CC2D2B: variants seen among roughly 807,000 people sequenced by gnomAD.
CC2D2B encodes the protein protein CC2D2B.
A neutral mutation model predicts 161.2 loss-of-function variants in CC2D2B; 128 were observed. That is an observed-to-expected ratio of 0.79 (90% CI 0.69 to 0.92). The LOEUF (loss-of-function observed/expected upper bound fraction) is 0.92, where lower values mean the gene tolerates loss of function less well. Ranked by LOEUF, CC2D2B falls within the 40% of genes least tolerant of loss-of-function variation. The pLI is 0.00. For synonymous variants in CC2D2B, 391 were observed against 449.8 expected, an observed-to-expected ratio of 0.87 and a Z score of 1.65; for missense variants, 1,173 against 1,375.1, an observed-to-expected ratio of 0.85 and a Z score of 2.32.
intron 32 of CC2D2B, among the ~76,000 whole-genome samples, chr10:96,024,328 A>T (rs1401970478): frequency 2.0e-5 from 3 of 152,384 alleles, no homozygotes; most frequent in African/African-American, 4.8e-5. Flanking sequence ...GCTGAAAGAA[A>T]CAAATAATCA....
intron 34 of CC2D2B, among the ~76,000 whole-genome samples, chr10:96,030,429 T>C (rs556207924): frequency 7.9e-5 from 12 of 152,144 alleles, no homozygotes; most frequent in African/African-American, 2.4e-4. Context: ...AGAGTGAGAC[T>C]CCTTCCCCTT....
At chr10:95,918,699 A>G (rs1316166546) in intron 2 of CC2D2B, among the ~76,000 whole-genome samples, 1 of 151,846 alleles carries the variant, frequency 6.6e-6, no homozygotes, top group Non-Finnish European at 1.5e-5. Context: ...TAAACTTTCT[A>G]CTCCAGTCTC....
chr10:95,938,718 C>T lies in CC2D2B; in HGVS notation c.672+13C>T. 1.4e-6 allele frequency: 1 copy of T among 706,982 alleles called. No homozygotes were observed. The highest frequency in any genetic ancestry group is 1.5e-5 in the South Asian group (1 of 64,910). 43.8% of individuals were successfully genotyped at this position (706,982 alleles called of 1,614,324 possible). A position where few individuals can be genotyped will look rare whatever the true frequency, so the allele number is the denominator to read the frequency against. ...TAAACTAGAAGAGGCAAGTGCACCACCTAACAAGTTAAAACACTGGCTACT... is the reference window on the plus strand; with the variant it reads ...TAAACTAGAAGAGGCAAGTGCACCATCTAACAAGTTAAAACACTGGCTACT... On this transcript the variant is annotated intron_variant, in intron 8 of 34. Transcript: ENST00000646931.
intron 17 of CC2D2B, among the ~76,000 whole-genome samples, chr10:95,981,746 T>C (rs2077538706): frequency 6.6e-6 from 1 of 152,208 alleles, no homozygotes; most frequent in Admixed American, 6.5e-5. Context: ...TTAATAAGGT[T>C]ATTGTCTCTT....
chr10:95,936,944 G>C (rs1475013607), intron 6 of CC2D2B, among the ~76,000 whole-genome samples: 3 of 152,152 alleles, frequency 2.0e-5, no homozygotes, highest in South Asian at 4.1e-4. Flanking sequence ...CTACGACTGG[G>C]ATCTTCAAAG....
chr10:95,947,754 TA>T (rs571836060), intron 9 of CC2D2B, among the ~76,000 whole-genome samples: 3,365 of 132,860 alleles, frequency 0.025, 45 homozygotes, highest in Middle Eastern at 0.062. Context: ...TCTCAAGAAA[TA>T]AAAAAAAAAA....
intron 17 of CC2D2B, among the ~76,000 whole-genome samples, 172 bp from the exon 18 acceptor site, chr10:95,981,803 G>A (rs2077541199): frequency 6.6e-6 from 1 of 152,100 alleles, no homozygotes; most frequent in African/African-American, 2.4e-5. Context: ...GTGAAAACTA[G>A]GAGAGATGTC....
intron 25 of CC2D2B, among the ~76,000 whole-genome samples, chr10:96,008,927 T>G (rs1466021319): frequency 6.6e-6 from 1 of 152,052 alleles, no homozygotes; most frequent in Admixed American, 6.6e-5. Flanking sequence ...GATGTCATGT[T>G]TTTTAGCTCT....
chr10:95,992,613 A>C lies in CC2D2B; in HGVS notation c.2558A>C (p.Gln853Pro). 1 of 1,234,278 alleles carries C rather than the reference A, an allele frequency of 8.1e-7. No individual in the cohort carries two copies. Among genetic ancestry groups the C allele is most frequent in the Non-Finnish European group, 1.0e-6 (1 of 988,036 alleles). The allele number at this position is 1,234,278 out of a possible 1,614,324, so 76.5% of individuals were successfully genotyped here. Residue 853 changes from glutamine to proline, a missense_variant, in exon 22 of 35, where the codon CAG (glutamine) becomes CCG (proline). Physicochemically the swap from Gln to Pro is moderately conservative, Grantham distance 76 (BLOSUM62 -1). Transcript: ENST00000646931. ...QRKERKKVTA[Q>P]AISDGDIKIL... Reference sequence around the variant, plus strand: ...AAAGAAAGGAAAAAAGTCACAGCGCAGGCGATCTCTGACGGAGATATTAAG... The same window carrying C: ...AAAGAAAGGAAAAAAGTCACAGCGCCGGCGATCTCTGACGGAGATATTAAG...
intron 2 of CC2D2B, among the ~76,000 whole-genome samples, chr10:95,917,519 G>T (rs1590323651): frequency 2.0e-5 from 3 of 151,814 alleles, no homozygotes; most frequent in Admixed American, 6.6e-5. Context: ...TTCTCTGGTG[G>T]TATGTTTTAA....
At chr10:95,937,389 C>T (rs10736095) in intron 6 of CC2D2B, among the ~76,000 whole-genome samples, 89,683 of 151,938 alleles carry the variant, frequency 0.59, 27,081 homozygotes, top group African/African-American at 0.66. Flanking sequence ...GAGTATGATA[C>T]ATTCATTTTA....
intron 33 of CC2D2B, among the ~76,000 whole-genome samples, chr10:96,025,623 A>C (rs534254328): frequency 6.6e-6 from 1 of 152,236 alleles, no homozygotes; most frequent in South Asian, 2.1e-4. Context: ...AAAATGTCCC[A>C]GTTAGGCAGT....
At chr10:95,971,696 C>T (rs920097022) in intron 15 of CC2D2B, among the ~76,000 whole-genome samples, 3 of 152,132 alleles carry the variant, frequency 2.0e-5, no homozygotes, top group African/African-American at 7.2e-5. Flanking sequence ...GCTTCCATTT[C>T]CTCACTTATA....
At chr10:95,957,236 T>C (rs2076596382) in intron 11 of CC2D2B, among the ~76,000 whole-genome samples, 1 of 152,184 alleles carries the variant, frequency 6.6e-6, no homozygotes, top group Non-Finnish European at 1.5e-5. Flanking sequence ...TGCTTACTTC[T>C]AACCACAGAG....
chr10:95,964,708 C>T lies in CC2D2B; in HGVS notation c.1251-1188C>T, dbSNP rs556109158. Among the ~76,000 whole-genome samples, 7 of 152,182 alleles carry T rather than the reference C, an allele frequency of 4.6e-5. No individual in the cohort carries two copies. In the South Asian group the frequency reaches 1.5e-3, roughly 32 times the overall value. On this transcript the variant is annotated intron_variant, in intron 12 of 34. Transcript: ENST00000646931. ...CTGGGTTTTCAGCCCAAGATACTAC[C>T]ATATAGATAATATCTGCACTTAGTC...
At chr10:95,973,643 C>T (rs531857977) in intron 16 of CC2D2B, among the ~76,000 whole-genome samples, 10 of 151,936 alleles carry the variant, frequency 6.6e-5, no homozygotes, top group African/African-American at 2.4e-4. Context: ...TGGATCACCT[C>T]AGGTCAGGAG....
chr10:95,988,684 G>A (rs1264932958), intron 20 of CC2D2B, among the ~76,000 whole-genome samples: 2 of 152,158 alleles, frequency 1.3e-5, no homozygotes, highest in Non-Finnish European at 2.9e-5. Context: ...TGATGTCAAG[G>A]ACTATAGCAA....
chr10:95,937,455 T>C (rs2075864260), intron 6 of CC2D2B, among the ~76,000 whole-genome samples: 2 of 152,150 alleles, frequency 1.3e-5, no homozygotes, highest in African/African-American at 2.4e-5. Flanking sequence ...ATAACCTTTA[T>C]ATATATCATA....
chr10:95,923,938 T>C (rs1329667395), intron 3 of CC2D2B, among the ~76,000 whole-genome samples: 1 of 152,134 alleles, frequency 6.6e-6, no homozygotes, highest in African/African-American at 2.4e-5. Flanking sequence ...GGAGAATCGC[T>C]TGAACCCGGG....
Sources: gnomAD v4.1 joint callset for allele counts (sites outside exome capture counted in the v4.1 genomes callset) on GRCh38, gnomAD v4.1.1 for gene constraint, MANE v1.5 for transcripts, NCBI Gene and HGNC (gene_info 2026-07-23, HGNC 2026-07-21) for gene names.